The following MYH3 variants were observed in gnomAD, a reference collection of about 807,000 sequenced individuals.
MYH3 encodes myosin heavy chain 3.
In MYH3, 130 loss-of-function variants were observed where a neutral mutation model predicts 238.0. The observed-to-expected ratio is 0.55, with a 90% CI of 0.47 to 0.63. The LOEUF (loss-of-function observed/expected upper bound fraction) is 0.63, where lower values mean the gene tolerates loss of function less well. MYH3 is among the 30% of genes least tolerant of loss of function. The pLI, the probability that MYH3 is intolerant of heterozygous loss-of-function variation, is 0.00. For missense variants in MYH3, 1,853 were observed against 2,374.9 expected, an observed-to-expected ratio of 0.78 and a Z score of 4.57; for synonymous variants, 880 against 924.1, an observed-to-expected ratio of 0.95 and a Z score of 0.86.
At chr17:10,629,566 G>GA (rs769456541) in intron 40 of MYH3, 31 bp downstream of exon 40, 4 of 1,605,712 alleles carry the variant, frequency 2.5e-6, no homozygotes, top group African/African-American at 2.9e-5. Context: ...ACAGTCCCTG[G>GA]GGGGGGGCTC....
In MYH3 at chr17:10,649,292, T is replaced by C. The variant is rs1357810626; in HGVS notation, c.642+285A>G. ...GCTGTGAGTCACTCACATTGGTATATGTGATTCTTCCACAAAAGAACAAGC... is the reference window on the plus strand; with the variant it reads ...GCTGTGAGTCACTCACATTGGTATACGTGATTCTTCCACAAAAGAACAAGC... On this transcript the variant is annotated intron_variant, in intron 7 of 40. Coordinates refer to ENST00000583535, the MANE Select transcript of MYH3 (RefSeq NM_002470.4). Among the ~76,000 whole-genome samples the C allele has an allele frequency of 2.0e-5, 3 of 152,356 alleles. No homozygotes were observed. The East Asian group carries it at 5.8e-4, about 29-fold the overall frequency.
intron 5 of MYH3, among the ~76,000 whole-genome samples, chr17:10,650,913 G>A (rs2074367674): frequency 1.3e-5 from 2 of 152,048 alleles, no homozygotes; most frequent in African/African-American, 4.8e-5. Context: ...TGGCAGCCGG[G>A]TGCAGTGGCT....
chr17:10,655,985 G>T (rs902976475), intron 2 of MYH3, 105 bp downstream of exon 2: 1 of 152,302 alleles, frequency 6.6e-6, no homozygotes, highest in African/African-American at 2.4e-5. Context: ...TAGTTCCCCT[G>T]TCCCTCTGTG....
At chr17:10,672,404 T>C in the MYH3 span, 1 of 152,190 alleles carries the variant, frequency 6.6e-6, no homozygotes, top group Non-Finnish European at 1.5e-5. Context: ...TCCTCCTTGG[T>C]CTTATTTTTC....
chr17:10,633,473 G>C, intron 33 of MYH3, 118 bp downstream of exon 33: 3 of 1,241,370 alleles, frequency 2.4e-6, no homozygotes, highest in Middle Eastern at 2.6e-4. Flanking sequence ...AAAGCAGCAG[G>C]CATTAGGACT....
intron 31 of MYH3, 129 bp downstream of exon 31, chr17:10,634,711 T>G: frequency 8.8e-7 from 1 of 1,132,668 alleles, no homozygotes; most frequent in Non-Finnish European, 1.3e-6. Context: ...CCGGTGAAGT[T>G]CAGGGACTTG....
intron 7 of MYH3, 122 bp downstream of exon 7, chr17:10,649,455 A>C (rs2074354646): frequency 1.2e-6 from 1 of 841,606 alleles, no homozygotes; most frequent in Non-Finnish European, 2.0e-6. Flanking sequence ...AAGATAGTAA[A>C]TCCTAGCCTG....
At position 10,638,879 on chromosome 17, in the gene MYH3, C is replaced by G; in HGVS notation, c.3333G>C (p.Glu1111Asp). The change falls in exon 26 of 41, where the codon GAG becomes GAC. Residue 1111 changes from glutamate to aspartate, a missense_variant. Physicochemically the swap from Glu to Asp is conservative, Grantham distance 45. Coordinates refer to ENST00000583535, the MANE Select transcript of MYH3 (RefSeq NM_002470.4). ...LGLQFQKKIK[E>D]LQARIEELEE... ...AAATGCAGAGGGCTCCTACCTGCAA[C>G]TCTTTGATTTTCTTCTGAAACTGGA... is the stretch of plus-strand genomic sequence containing the variant. 1 of 1,613,948 alleles carries G rather than the reference C, an allele frequency of 6.2e-7. No homozygotes were observed. The highest frequency in any genetic ancestry group is 8.5e-7 in the Non-Finnish European group (1 of 1,179,820).
chr17:10,659,247 T>C (rs1307307305), upstream of MYH3, among the ~76,000 whole-genome samples: 1 of 152,196 alleles, frequency 6.6e-6, no homozygotes, highest in Non-Finnish European at 1.5e-5. Context: ...TCAACATTTC[T>C]TTTAGTTCCC....
chr17:10,654,184 T>G lies in MYH3; in HGVS notation c.204+677A>C, dbSNP rs905492290. 2.0e-5 allele frequency among the ~76,000 whole-genome samples: 3 copies of G among 152,058 alleles called. No individual in the cohort carries two copies. Among genetic ancestry groups the G allele is most frequent in the African/African-American group, 7.2e-5 (3 of 41,416 alleles). ...TTCTTTCCTTCCTTCCTTGCTTTCT[T>G]TCTTCCTTCTTTCTTTCCTTCCTTC... On this transcript the variant is annotated intron_variant, in intron 3 of 40. Coordinates refer to ENST00000583535, the MANE Select transcript of MYH3 (RefSeq NM_002470.4). The surrounding 1 kb of genome is among the most constrained non-coding windows in gnomAD (Gnocchi z 4.5).
intron 5 of MYH3, among the ~76,000 whole-genome samples, chr17:10,650,804 C>T (rs1042965927): frequency 2.0e-5 from 3 of 152,104 alleles, no homozygotes; most frequent in Non-Finnish European, 4.4e-5. Flanking sequence ...TCACCAGCAC[C>T]GATTTCTCCT....
At chr17:10,634,736 G>A in intron 31 of MYH3, 104 bp downstream of exon 31, 1 of 1,410,248 alleles carries the variant, frequency 7.1e-7, no homozygotes, top group East Asian at 2.3e-5. Flanking sequence ...AGGCCACACT[G>A]CTGGTGAGGG....
At chr17:10,646,814 G>A (rs1011034926) in intron 10 of MYH3, among the ~76,000 whole-genome samples, 8 of 152,158 alleles carry the variant, frequency 5.3e-5, no homozygotes, top group African/African-American at 1.2e-4. Context: ...GTGGGAGGCC[G>A]AGTCGGGCAA....
chr17:10,663,989 G>T, the MYH3 span, among the ~76,000 whole-genome samples: 2 of 151,086 alleles, frequency 1.3e-5, no homozygotes, highest in African/African-American at 4.9e-5. Flanking sequence ...CTTGAACCTG[G>T]GGGGCAGATG....
chr17:10,652,975 G>A (rs918118264), intron 3 of MYH3, among the ~76,000 whole-genome samples: 4 of 152,190 alleles, frequency 2.6e-5, no homozygotes, highest in East Asian at 3.9e-4. Context: ...CTCTTGAGCC[G>A]AGATGGAAGG....
chr17:10,645,041 T>A, intron 12 of MYH3, among the ~76,000 whole-genome samples: 1 of 96,090 alleles, frequency 1.0e-5, no homozygotes, highest in African/African-American at 3.1e-5. Flanking sequence ...ATCGCTTCCA[T>A]CCATTTTTTT....
In MYH3 at chr17:10,637,915, G is replaced by A. The variant is rs367634995; in HGVS notation, c.3750C>T (p.Cys1250=). ...SKSKANLEKI[C]RTLEDQLSEA... is the part of the protein sequence containing the mutation. ...CACTTAACTGATCCTCCAGGGTTCG[G>A]CAGATTTTTTCCAGATTTGCCTGAA... Residue 1250 remains cysteine (C), a synonymous_variant, in exon 28 of 41, where the codon TGC becomes TGT. Transcript: ENST00000583535. 5.5e-5 allele frequency: 88 copies of A among 1,614,018 alleles called. No homozygotes were observed. The highest frequency in any genetic ancestry group is 7.2e-5 in the Non-Finnish European group (85 of 1,180,034).
At chr17:10,655,136 C>T in intron 2 of MYH3, 64 bp from the exon 3 acceptor site, 1 of 1,308,918 alleles carries the variant, frequency 7.6e-7, no homozygotes, top group East Asian at 2.3e-5. Context: ...CAGCTCCAGG[C>T]CTGTTTCAGC....
intron 33 of MYH3, 93 bp downstream of exon 33, chr17:10,633,498 G>C: frequency 6.4e-7 from 1 of 1,561,552 alleles, no homozygotes; most frequent in Non-Finnish European, 8.7e-7. Flanking sequence ...TTTGACAAAG[G>C]CAAAAATGGA....
Sources: gnomAD v4.1 joint callset for allele counts (sites outside exome capture counted in the v4.1 genomes callset) on GRCh38, gnomAD v4.1.1 for gene constraint, Gnocchi (gnomAD v3.1) non-coding constraint, MANE v1.5 for transcripts, NCBI Gene and HGNC (gene_info 2026-07-23, HGNC 2026-07-21) for gene names.